COA1: variants seen among roughly 807,000 people sequenced by gnomAD.
COA1 encodes cytochrome c oxidase assembly factor 1 homolog.
In COA1, 13 loss-of-function variants were observed where a neutral mutation model predicts 16.0. The observed-to-expected ratio is 0.81, with a 90% CI of 0.53 to 1.29. The LOEUF (loss-of-function observed/expected upper bound fraction) is 1.29, where lower values mean the gene tolerates loss of function less well. COA1 is among the 50% of genes most tolerant of loss of function. The pLI is 0.00. For synonymous variants in COA1, 65 were observed against 65.7 expected (o/e 0.99, Z 0.05); for missense variants, 179 against 177.0 (o/e 1.01, Z -0.06).
intron 1 of COA1, among the ~76,000 whole-genome samples, chr7:43,692,232 T>C (rs1182068032): frequency 2.0e-5 from 3 of 152,146 alleles, no homozygotes; most frequent in Non-Finnish European, 4.4e-5. Flanking sequence ...AATCAAACTT[T>C]CCTGGGCCAG....
At chr7:43,691,611 C>G (rs1006744435) in intron 1 of COA1, among the ~76,000 whole-genome samples, 1 of 152,096 alleles carries the variant, frequency 6.6e-6, no homozygotes, top group Admixed American at 6.6e-5. Flanking sequence ...ATTTAAGCCT[C>G]CCAGTCACAT....
At chr7:43,706,196 C>T (rs2094965742) in intron 1 of COA1, among the ~76,000 whole-genome samples, 1 of 151,676 alleles carries the variant, frequency 6.6e-6, no homozygotes, top group African/African-American at 2.4e-5. Flanking sequence ...CTCTTTTACA[C>T]AAATACTTAG....
At chr7:43,660,800 C>T (rs2092345980) in intron 1 of COA1, among the ~76,000 whole-genome samples, 1 of 152,232 alleles carries the variant, frequency 6.6e-6, no homozygotes, top group South Asian at 2.1e-4. Flanking sequence ...ATCAAGACTG[C>T]TCTGCCTTTG....
intron 1 of COA1, among the ~76,000 whole-genome samples, chr7:43,675,775 G>GT (rs1380319137): frequency 6.6e-6 from 1 of 152,092 alleles, no homozygotes; most frequent in Non-Finnish European, 1.5e-5. Context: ...GGGAAAAAAG[G>GT]TGCTACTGGT....
intron 1 of COA1, among the ~76,000 whole-genome samples, chr7:43,695,456 TTC>T (rs34267296): frequency 6.6e-6 from 1 of 151,484 alleles, no homozygotes; most frequent in East Asian, 1.9e-4. Context: ...ACATGCTCTC[TTC>T]TCTCTCTCTC....
intron 1 of COA1, among the ~76,000 whole-genome samples, chr7:43,707,960 A>C (rs1449733811): frequency 1.3e-5 from 2 of 152,198 alleles, no homozygotes; most frequent in African/African-American, 4.8e-5. Context: ...ACAGTGTAAA[A>C]AAATTTCCTT....
At chr7:43,726,098 A>G (rs2095611173) in intron 1 of COA1, among the ~76,000 whole-genome samples, 1 of 152,162 alleles carries the variant, frequency 6.6e-6, no homozygotes. Context: ...ACTGTCCAAT[A>G]TGGCTCTCAC....
chr7:43,676,184 A>G (rs2093509476), intron 1 of COA1, among the ~76,000 whole-genome samples: 1 of 152,222 alleles, frequency 6.6e-6, no homozygotes, highest in African/African-American at 2.4e-5. Context: ...AAAATAGGAA[A>G]GTTGCCCCTC....
At chr7:43,686,401 G>C (rs1206876882) in intron 1 of COA1, among the ~76,000 whole-genome samples, 1 of 150,996 alleles carries the variant, frequency 6.6e-6, no homozygotes, top group Non-Finnish European at 1.5e-5. Flanking sequence ...CCGCCTTCCG[G>C]GTTCACGCCA....
intron 1 of COA1, among the ~76,000 whole-genome samples, chr7:43,716,444 G>A (rs1157018481): frequency 6.6e-6 from 1 of 152,126 alleles, no homozygotes; most frequent in Non-Finnish European, 1.5e-5. Context: ...CCCCACCCTA[G>A]AGATTTGTGG....
At chr7:43,645,186 G>T in intron 4 of COA1, 65 bp downstream of exon 4, 1 of 1,520,542 alleles carries the variant, frequency 6.6e-7, no homozygotes, top group Non-Finnish European at 9.0e-7. Context: ...GACTTTCCAG[G>T]AGACAGTAGA....
chr7:43,706,486 G>A (rs912959622), intron 1 of COA1, among the ~76,000 whole-genome samples: 7 of 151,712 alleles, frequency 4.6e-5, no homozygotes, highest in Admixed American at 6.6e-5. Flanking sequence ...GGCGGAGGCT[G>A]CAGTGAGCCG....
chr7:43,711,322 C>T (rs2095240928), intron 1 of COA1: 1 of 151,474 alleles, frequency 6.6e-6, no homozygotes, highest in Non-Finnish European at 1.5e-5. Flanking sequence ...CTCATCATAC[C>T]ACATCAGTAA....
At chr7:43,658,437 G>A (rs565624367) in intron 1 of COA1, among the ~76,000 whole-genome samples, 5 of 151,914 alleles carry the variant, frequency 3.3e-5, no homozygotes, top group Non-Finnish European at 2.9e-5. Flanking sequence ...CAAACCTCTC[G>A]AAACTAAGAT....
intron 1 of COA1, among the ~76,000 whole-genome samples, chr7:43,662,673 CA>C (rs1460580139): frequency 2.0e-5 from 3 of 152,168 alleles, no homozygotes; most frequent in African/African-American, 7.2e-5. Context: ...TTAAAATTTT[CA>C]TAAAGATATG....
At chr7:43,724,521 A>C (rs2095573360) in intron 1 of COA1, among the ~76,000 whole-genome samples, 1 of 151,954 alleles carries the variant, frequency 6.6e-6, no homozygotes, top group South Asian at 2.1e-4. Context: ...ACTGCACTCC[A>C]GCCTGGGAGA....
intron 1 of COA1, chr7:43,649,721 G>C (rs2090370292): frequency 6.6e-6 from 1 of 152,240 alleles, no homozygotes; most frequent in African/African-American, 2.4e-5. Flanking sequence ...ATGCACATTA[G>C]AGAAATCAAA....
intron 3 of COA1, chr7:43,646,494 A>G (rs2089332460): frequency 2.2e-6 from 1 of 453,040 alleles, no homozygotes; most frequent in African/African-American, 2.0e-5. Flanking sequence ...ATAAGGCCAC[A>G]TAGCTGGTCA....
intron 6 of COA1, chr7:43,632,323 T>C (rs1421883678): frequency 6.6e-6 from 1 of 152,554 alleles, no homozygotes; most frequent in Non-Finnish European, 1.5e-5. Context: ...CCACTTCTAG[T>C]TCTCTTGCTA....
Sources: allele counts gnomAD v4.1 joint callset (sites outside exome capture counted in the v4.1 genomes callset), GRCh38; gene constraint gnomAD v4.1.1; transcripts MANE v1.5; gene names NCBI Gene and HGNC (gene_info 2026-07-23, HGNC 2026-07-21).